The following AAGAB variants were observed in gnomAD, a reference collection of about 807,000 sequenced individuals.
The protein encoded by AAGAB is alpha- and gamma-adaptin-binding protein p34.
AAGAB carries 38 observed loss-of-function variants against 44.1 expected under a neutral mutation model. The ratio of observed to expected loss-of-function variants is 0.86; its 90% confidence interval spans 0.67 to 1.13. AAGAB has a LOEUF of 1.13. Among genes scored for constraint, AAGAB ranks in the 50% most tolerant of loss-of-function variants. The pLI, the probability that AAGAB is intolerant of heterozygous loss-of-function variation, is 0.00. For missense variants in AAGAB, 450 were observed against 373.8 expected, an observed-to-expected ratio of 1.20 and a Z score of -1.68; for synonymous variants, 131 against 131.8, an observed-to-expected ratio of 0.99 and a Z score of 0.04.
At position 67,254,657 on chromosome 15, in the gene AAGAB, C is replaced by T. The variant is rs1356597510; in HGVS notation, c.-26G>A. On this transcript the variant is annotated 5_prime_UTR_variant, in exon 1 of 10. Transcript: ENST00000261880. The stretch of plus-strand genomic sequence containing the variant: ...AGCTGCGCTCGCGAGCCGGTTCCGT[C>T]AGGCAGCCGCTTCCGCCTTGGGCTG... The T allele has an allele frequency of 1.9e-6, 3 of 1,595,578 alleles. No individual in the cohort carries two copies. The highest frequency in any genetic ancestry group is 2.6e-6 in the Non-Finnish European group (3 of 1,172,358).
At chr15:67,251,309 T>C (rs1964867496) in intron 1 of AAGAB, among the ~76,000 whole-genome samples, 1 of 151,990 alleles carries the variant, frequency 6.6e-6, no homozygotes, top group South Asian at 2.1e-4. Flanking sequence ...AGTAGCACCA[T>C]CACAACTCAC....
chr15:67,236,220 C>A, intron 3 of AAGAB, 152 bp from the exon 4 acceptor site: 1 of 840,806 alleles, frequency 1.2e-6, no homozygotes, highest in Non-Finnish European at 1.8e-6. Flanking sequence ...GACTTCTCAG[C>A]CCCGAAGTAT....
chr15:67,212,582 G>A (rs1963849723), intron 5 of AAGAB, among the ~76,000 whole-genome samples: 1 of 152,090 alleles, frequency 6.6e-6, no homozygotes, highest in African/African-American at 2.4e-5. Context: ...AAGGACTTTT[G>A]CTCATATTAT....
chr15:67,206,657 T>A (rs1963691944), intron 7 of AAGAB, among the ~76,000 whole-genome samples: 1 of 152,206 alleles, frequency 6.6e-6, no homozygotes, highest in Admixed American at 6.5e-5. Context: ...TATAACCCAA[T>A]ACTATATTAA....
chr15:67,231,885 T>C lies in AAGAB; in HGVS notation c.464A>G (p.Glu155Gly). 6.2e-7 allele frequency: 1 copy of C among 1,609,942 alleles called. No individual in the cohort carries two copies. Among genetic ancestry groups the C allele is most frequent in the Middle Eastern group, 1.7e-4 (1 of 6,042 alleles). The part of the protein sequence containing the change: ...ELPEEDDDFP[E>G]STGVKRIVQA... Reference sequence around the variant, plus strand: ...GACAATTCGCTTTACTCCTGTAGATTCTGGGAAGTCATCTAATCAGGGAGG... The same window carrying C: ...GACAATTCGCTTTACTCCTGTAGATCCTGGGAAGTCATCTAATCAGGGAGG... The change falls in exon 5 of 10, where the codon GAA (glutamate) becomes GGA (glycine). Residue 155 changes from glutamate to glycine, a missense_variant. Physicochemically the swap from Glu to Gly is moderately conservative, Grantham distance 98 (BLOSUM62 -2). Coordinates refer to ENST00000261880, the MANE Select transcript of AAGAB (RefSeq NM_024666.5).
intron 5 of AAGAB, among the ~76,000 whole-genome samples, chr15:67,225,362 T>A (rs969113778): frequency 9.9e-5 from 15 of 152,240 alleles, no homozygotes; most frequent in African/African-American, 3.6e-4. Context: ...ACCATTATTA[T>A]CATCATTGGT....
At chr15:67,248,680 C>G (rs1964786626) in intron 1 of AAGAB, among the ~76,000 whole-genome samples, 1 of 152,188 alleles carries the variant, frequency 6.6e-6, no homozygotes, top group Non-Finnish European at 1.5e-5. Flanking sequence ...GACCTAGAAA[C>G]AAATTCCCAA....
At chr15:67,211,425 G>A (rs543570543) in intron 5 of AAGAB, among the ~76,000 whole-genome samples, 58 of 152,298 alleles carry the variant, frequency 3.8e-4, no homozygotes, top group South Asian at 3.5e-3. Flanking sequence ...TCAGAGGCCC[G>A]AGAGAAGCAG....
intron 4 of AAGAB, among the ~76,000 whole-genome samples, chr15:67,233,909 A>C (rs1196528234): frequency 6.6e-6 from 1 of 152,128 alleles, no homozygotes; most frequent in African/African-American, 2.4e-5. Flanking sequence ...TCATTTAAAG[A>C]ATACCAACCT....
At chr15:67,212,832 A>T (rs545495219) in intron 5 of AAGAB, among the ~76,000 whole-genome samples, 1 of 152,220 alleles carries the variant, frequency 6.6e-6, no homozygotes, top group Non-Finnish European at 1.5e-5. Flanking sequence ...TTCCATCCAC[A>T]TGCACTCACT....
intron 9 of AAGAB, 96 bp from the exon 10 acceptor site, chr15:67,202,994 C>T: frequency 8.6e-7 from 1 of 1,159,846 alleles, no homozygotes; most frequent in East Asian, 2.3e-5. Flanking sequence ...TAAAATTCTG[C>T]ACTTTGCCCT....
Position 67,203,564 on chromosome 15 carries a change from T to C in AAGAB, c.854A>G (p.Lys285Arg). ...TTGTCTCACCTTTTCTGCATGCACT[T>C]TTCTTTGCTCATGAGGAAGCGTCGC... ...KAATLPHEQR[K>R]VHAEKVAKAF... is the part of the protein sequence containing the mutation. The change falls in exon 9 of 10, where the codon AAA (lysine) becomes AGA (arginine). Residue 285 changes from lysine (K) to arginine (R), a missense_variant. Transcript: ENST00000261880. The C allele has an allele frequency of 1.9e-6, 3 of 1,613,790 alleles. No individual in the cohort carries two copies. The highest frequency in any genetic ancestry group is 2.5e-6 in the Non-Finnish European group (3 of 1,179,842).
chr15:67,210,330 C>G (rs1963786890), intron 5 of AAGAB, among the ~76,000 whole-genome samples: 1 of 152,092 alleles, frequency 6.6e-6, no homozygotes, highest in Non-Finnish European at 1.5e-5. Flanking sequence ...GCCTGATCAA[C>G]ATGGTGAAGC....
At chr15:67,234,046 T>A (rs1338800261) in intron 4 of AAGAB, among the ~76,000 whole-genome samples, 4 of 146,140 alleles carry the variant, frequency 2.7e-5, no homozygotes, top group Admixed American at 7.0e-5. Flanking sequence ...ATTGAGACCA[T>A]CCTGGCTAAC....
intron 5 of AAGAB, chr15:67,221,241 G>GT (rs1262608477): frequency 7.2e-5 from 11 of 152,304 alleles, no homozygotes; most frequent in South Asian, 6.2e-4. Context: ...TAGTAACAAG[G>GT]TAGAAGCAAG....
In AAGAB at chr15:67,250,100, A is replaced by G. The variant is rs189660925; in HGVS notation, c.73+4459T>C. On this transcript the variant is annotated intron_variant, in intron 1 of 9. Transcript: ENST00000261880. ...TATCTAAAGTTCCTTCTAGGGAAGT[A>G]GAGTAAGATGTTAAAACTTACATAT... is the stretch of plus-strand genomic sequence containing the variant. 1.4e-3 allele frequency among the ~76,000 whole-genome samples: 210 copies of G among 152,366 alleles called. 1 individual carries two copies. The highest frequency in any genetic ancestry group is 4.9e-3 in the African/African-American group (205 of 41,586).
chr15:67,245,104 T>A (rs1964690574), intron 1 of AAGAB, among the ~76,000 whole-genome samples: 1 of 152,190 alleles, frequency 6.6e-6, no homozygotes, highest in Non-Finnish European at 1.5e-5. Flanking sequence ...TTTGGCAGTT[T>A]CTTAAAATAC....
chr15:67,244,197 C>A (rs925503693), intron 1 of AAGAB, among the ~76,000 whole-genome samples: 8 of 152,158 alleles, frequency 5.3e-5, no homozygotes, highest in Non-Finnish European at 7.3e-5. Flanking sequence ...AGCCCCTGTA[C>A]TCAAGTATTG....
At chr15:67,211,644 G>A (rs1050022776) in intron 5 of AAGAB, among the ~76,000 whole-genome samples, 2 of 152,174 alleles carry the variant, frequency 1.3e-5, no homozygotes, top group Admixed American at 6.5e-5. Flanking sequence ...GGCAATATCT[G>A]AGTAATAAAC....
Sources: allele counts gnomAD v4.1 joint callset (sites outside exome capture counted in the v4.1 genomes callset), GRCh38; gene constraint gnomAD v4.1.1; transcripts MANE v1.5; gene names NCBI Gene and HGNC (gene_info 2026-07-23, HGNC 2026-07-21).